The following TMEM245 variants were observed in gnomAD, a reference collection of about 807,000 sequenced individuals.
TMEM245 encodes the protein protein CG-2.
Under a neutral mutation model 101.2 loss-of-function variants are expected in TMEM245, and 69 were observed. That is an observed-to-expected ratio of 0.68 (90% CI 0.56 to 0.83). TMEM245 has a LOEUF of 0.83. Among genes scored for constraint, TMEM245 ranks in the 40% least tolerant of loss-of-function variants. The pLI, the probability that TMEM245 is intolerant of heterozygous loss-of-function variation, is 0.00. For missense variants in TMEM245, 1,075 were observed against 1,092.8 expected (o/e 0.98, Z 0.23); for synonymous variants, 537 against 449.8 (o/e 1.19, Z -2.45).
At chr9:109,087,005 C>A (rs1388563377) in intron 6 of TMEM245, among the ~76,000 whole-genome samples, 168 bp downstream of exon 6, 1 of 152,128 alleles carries the variant, frequency 6.6e-6, no homozygotes, top group Non-Finnish European at 1.5e-5. Flanking sequence ...AAAGTAAACC[C>A]ATCTTATCCT....
chr9:109,020,555 C>A, intron 17 of TMEM245, 50 bp from the exon 18 acceptor site: 1 of 1,526,304 alleles, frequency 6.6e-7, no homozygotes, highest in Non-Finnish European at 9.1e-7. Flanking sequence ...AAAACAGTAT[C>A]CTATTTTTAC....
At chr9:109,036,597 A>G (rs912448173) in intron 15 of TMEM245, among the ~76,000 whole-genome samples, 1 of 152,140 alleles carries the variant, frequency 6.6e-6, no homozygotes, top group African/African-American at 2.4e-5. Context: ...AATCTTTCTA[A>G]GTGTGTGTCT....
At chr9:109,037,063 A>G (rs1375017285) in intron 15 of TMEM245, among the ~76,000 whole-genome samples, 1 of 152,180 alleles carries the variant, frequency 6.6e-6, no homozygotes, top group African/African-American at 2.4e-5. Flanking sequence ...GACAATGTAG[A>G]AGGAAGCACA....
intron 12 of TMEM245, among the ~76,000 whole-genome samples, chr9:109,054,715 TACA>T (rs1828782811): frequency 6.6e-6 from 1 of 152,154 alleles, no homozygotes; most frequent in African/African-American, 2.4e-5. Context: ...TGAAAGATAA[TACA>T]ACATTATATA....
chr9:109,062,532 T>C (rs1829046910), intron 10 of TMEM245, among the ~76,000 whole-genome samples: 1 of 152,378 alleles, frequency 6.6e-6, no homozygotes, highest in African/African-American at 2.4e-5. Context: ...TTACAACATC[T>C]ATTTCCTTAC....
intron 5 of TMEM245, among the ~76,000 whole-genome samples, chr9:109,089,295 G>C (rs1322454562): frequency 2.0e-5 from 3 of 151,680 alleles, no homozygotes; most frequent in African/African-American, 7.2e-5. Flanking sequence ...CCTGAGGACA[G>C]GCACTACTAT....
rs1404461483 is a variant in TMEM245 at position 109,073,449 on chromosome 9, G to A, written c.1450-11C>T. The A allele has an allele frequency of 6.4e-7, 1 of 1,569,902 alleles. No individual in the cohort carries two copies. Among genetic ancestry groups the A allele is most frequent in the Non-Finnish European group, 8.7e-7 (1 of 1,148,696 alleles). On this transcript the variant is annotated splice_polypyrimidine_tract_variant and intron_variant, in intron 8 of 17. Transcript: ENST00000374586. ...ACTCTCTTGATGTACCTGTATTACA[G>A]ATAAAGAAAGAAAAGAATCTCAGTA... is the stretch of plus-strand genomic sequence containing the variant.
At position 109,018,155 on chromosome 9, in the gene TMEM245, T is replaced by C. The variant is rs950516722; in HGVS notation, c.*2305A>G. 2.6e-5 allele frequency: 4 copies of C among 152,254 alleles called. No homozygotes were observed. The highest frequency in any genetic ancestry group is 4.8e-5 in the African/African-American group (2 of 41,466). The allele number at this position is 152,254 out of a possible 1,614,324, so 9.4% of individuals were successfully genotyped here. ...TTTTTGCAATATCACTTTATACAGC[T>C]AAAATCACTTTGTATATGTATAGTA... On this transcript the variant is annotated 3_prime_UTR_variant, in exon 18 of 18. Transcript: ENST00000374586.
chr9:109,057,182 A>G lies in TMEM245; in HGVS notation c.1854+9T>C. ...GAACTTCAGCTTAACTATAAATGCTATTTCTTACCGAAAGAAATGTCTCAA... is the reference window on the plus strand; with the variant it reads ...GAACTTCAGCTTAACTATAAATGCTGTTTCTTACCGAAAGAAATGTCTCAA... On this transcript the variant is annotated intron_variant, in intron 12 of 17. Coordinates refer to ENST00000374586, the MANE Select transcript of TMEM245 (RefSeq NM_032012.4). 6.2e-7 allele frequency: 1 copy of G among 1,611,588 alleles called. No homozygotes were observed. The highest frequency in any genetic ancestry group is 8.5e-7 in the Non-Finnish European group (1 of 1,178,844).
chr9:109,034,395 T>C (rs1052669551), intron 16 of TMEM245, among the ~76,000 whole-genome samples: 2 of 152,244 alleles, frequency 1.3e-5, no homozygotes, highest in African/African-American at 4.8e-5. Flanking sequence ...TTTAGGGCAG[T>C]ATTCCATGTT....
chr9:109,032,142 T>C (rs1052392205), intron 17 of TMEM245, among the ~76,000 whole-genome samples: 23 of 152,138 alleles, frequency 1.5e-4, no homozygotes, highest in Admixed American at 1.1e-3. Context: ...AGGACATTCT[T>C]CTACAGAACC....
At chr9:109,057,518 C>T (rs112083348) in intron 11 of TMEM245, among the ~76,000 whole-genome samples, 196 bp from the exon 12 acceptor site, 11,922 of 152,046 alleles carry the variant, frequency 0.078, 531 homozygotes, top group South Asian at 0.1. Context: ...TTTGGGAGGC[C>T]GAGGCAGGTG....
intron 14 of TMEM245, among the ~76,000 whole-genome samples, chr9:109,040,755 T>A (rs1358406452): frequency 6.6e-6 from 1 of 152,234 alleles, no homozygotes; most frequent in Non-Finnish European, 1.5e-5. Context: ...CCAACATTGT[T>A]GAGTATATCA....
chr9:109,109,584 T>C (rs7870597), intron 1 of TMEM245, among the ~76,000 whole-genome samples: 33,657 of 152,062 alleles, frequency 0.22, 4,543 homozygotes, highest in Admixed American at 0.31. Context: ...CAAATAATCT[T>C]CGCATCTTAA....
intron 1 of TMEM245, among the ~76,000 whole-genome samples, chr9:109,111,766 A>G (rs1195733400): frequency 6.6e-6 from 1 of 152,236 alleles, no homozygotes; most frequent in Non-Finnish European, 1.5e-5. Context: ...ATGAACATCA[A>G]TATACAGTGC....
chr9:109,032,496 T>C (rs1827989024), intron 17 of TMEM245, among the ~76,000 whole-genome samples: 1 of 145,328 alleles, frequency 6.9e-6, no homozygotes, highest in African/African-American at 2.5e-5. Flanking sequence ...GCAATTCTCC[T>C]GCCTCAGCCT....
intron 14 of TMEM245, 50 bp downstream of exon 14, chr9:109,050,223 AGGCTTATCAT>A: frequency 6.3e-7 from 1 of 1,589,002 alleles, no homozygotes; most frequent in South Asian, 1.1e-5. Context: ...GACAAAAAAC[AGGCTTATCAT>A]GGAAAAAAAG....
At chr9:109,102,718 G>C (rs1274202415) in intron 3 of TMEM245, among the ~76,000 whole-genome samples, 3 of 152,104 alleles carry the variant, frequency 2.0e-5, no homozygotes, top group African/African-American at 7.2e-5. Flanking sequence ...TCTTCCTTTT[G>C]TTTCTCTGTA....
chr9:109,048,108 G>A (rs1442569397), intron 14 of TMEM245, among the ~76,000 whole-genome samples: 1 of 152,182 alleles, frequency 6.6e-6, no homozygotes, highest in Non-Finnish European at 1.5e-5. Context: ...TGTTACACTG[G>A]ATAATATACT....
Sources: gnomAD v4.1 joint callset for allele counts (sites outside exome capture counted in the v4.1 genomes callset) on GRCh38, gnomAD v4.1.1 for gene constraint, MANE v1.5 for transcripts, NCBI Gene and HGNC (gene_info 2026-07-23, HGNC 2026-07-21) for gene names.